HHAT: variants seen among roughly 807,000 people sequenced by gnomAD.
HHAT encodes protein-cysteine N-palmitoyltransferase HHAT.
In HHAT, 47 loss-of-function variants were observed where a neutral mutation model predicts 70.8. That is an observed-to-expected ratio of 0.66 (90% CI 0.53 to 0.85). HHAT has a LOEUF of 0.85. Ranked by LOEUF, HHAT falls within the 40% of genes least tolerant of loss-of-function variation. The pLI, the probability that HHAT is intolerant of heterozygous loss-of-function variation, is 0.00. For missense variants in HHAT, 609 were observed against 604.8 expected, an observed-to-expected ratio of 1.01 and a Z score of -0.07; for synonymous variants, 228 against 247.6, an observed-to-expected ratio of 0.92 and a Z score of 0.74.
At chr1:210,370,321 C>G (rs2089450338) in intron 3 of HHAT, among the ~76,000 whole-genome samples, 1 of 150,636 alleles carries the variant, frequency 6.6e-6, no homozygotes, top group Non-Finnish European at 1.5e-5. Context: ...ATTACAGGTG[C>G]CCATCACCAT....
At chr1:210,610,859 T>C (rs560203725) in intron 10 of HHAT, among the ~76,000 whole-genome samples, 101 of 152,208 alleles carry the variant, frequency 6.6e-4, no homozygotes, top group African/African-American at 2.3e-3. Flanking sequence ...CTCTATTCTG[T>C]TCTATCAGTC....
At chr1:210,327,507 T>C (rs1241053801), upstream of HHAT, among the ~76,000 whole-genome samples, 2 of 152,076 alleles carry the variant, frequency 1.3e-5, no homozygotes, top group African/African-American at 4.8e-5. Context: ...CACCTGAAAT[T>C]ATTTACTTAT....
At chr1:210,456,896 G>A (rs897306804) in intron 7 of HHAT, among the ~76,000 whole-genome samples, 1 of 152,122 alleles carries the variant, frequency 6.6e-6, no homozygotes, top group African/African-American at 2.4e-5. Context: ...TCCCCCACAC[G>A]CTGCTCTTCC....
At chr1:210,335,818 C>G (rs2085435842) in intron 1 of HHAT, among the ~76,000 whole-genome samples, 1 of 152,096 alleles carries the variant, frequency 6.6e-6, no homozygotes, top group Non-Finnish European at 1.5e-5. Context: ...AACAAAGCAC[C>G]TGGAAGAAAG....
At chr1:210,616,125 T>A (rs997517085) in intron 10 of HHAT, among the ~76,000 whole-genome samples, 4 of 152,234 alleles carry the variant, frequency 2.6e-5, no homozygotes, top group Non-Finnish European at 4.4e-5. Flanking sequence ...GAAATGTGTA[T>A]ACCTGTGGAA....
At chr1:210,618,475 C>T (rs1015143467) in intron 10 of HHAT, among the ~76,000 whole-genome samples, 3 of 152,140 alleles carry the variant, frequency 2.0e-5, no homozygotes, top group African/African-American at 7.2e-5. Flanking sequence ...TCAAACCCAC[C>T]CAGTTTCTGT....
intron 8 of HHAT, among the ~76,000 whole-genome samples, chr1:210,506,447 T>C (rs1310763774): frequency 6.6e-6 from 1 of 152,230 alleles, no homozygotes; most frequent in Non-Finnish European, 1.5e-5. Context: ...TATCAGTTGA[T>C]GTGCAGACAG....
At chr1:210,475,131 G>A (rs11804243) in intron 8 of HHAT, among the ~76,000 whole-genome samples, 2,065 of 152,128 alleles carry the variant, frequency 0.014, 54 homozygotes, top group African/African-American at 0.047. Flanking sequence ...AAAGTGTTGG[G>A]ATTACAGGTG....
intron 7 of HHAT, among the ~76,000 whole-genome samples, chr1:210,450,772 C>G (rs1479542624): frequency 6.6e-6 from 1 of 151,994 alleles, no homozygotes; most frequent in East Asian, 1.9e-4. Context: ...TTTGAGGGAG[C>G]TTTGATAACT....
intron 8 of HHAT, among the ~76,000 whole-genome samples, chr1:210,466,112 C>CGCAAGGAATT (rs1199217380): frequency 8.3e-6 from 1 of 119,968 alleles, no homozygotes; most frequent in African/African-American, 3.5e-5. Flanking sequence ...TGCAAGGAAT[C>CGCAAGGAATT]GCAAGGAATC....
intron 11 of HHAT, among the ~76,000 whole-genome samples, chr1:210,640,642 C>G (rs542995372): frequency 6.6e-6 from 1 of 151,976 alleles, no homozygotes; most frequent in African/African-American, 2.4e-5. Context: ...TCAAAACATG[C>G]GTGCGTGTAA....
At chr1:210,500,187 A>G (rs17260466) in intron 8 of HHAT, among the ~76,000 whole-genome samples, 17,345 of 152,262 alleles carry the variant, frequency 0.11, 1,286 homozygotes, top group South Asian at 0.19. Flanking sequence ...TGTGATGTCT[A>G]CTTTTCAAAC....
chr1:210,423,166 A>G (rs1202536657), intron 7 of HHAT, among the ~76,000 whole-genome samples: 1 of 152,146 alleles, frequency 6.6e-6, no homozygotes, highest in Non-Finnish European at 1.5e-5. Context: ...TAGCGGCTAT[A>G]CTAGTTTGCA....
In HHAT at chr1:210,387,514, A is replaced by C; in HGVS notation, c.206A>C (p.Gln69Pro). The part of the protein sequence containing the change: ...EWSFWMEWGK[Q>P]WLVWLLLGHM... The stretch of plus-strand genomic sequence containing the variant: ...AGCTTCTGGATGGAATGGGGGAAGC[A>C]GTGGCTGGTGTGGCTTCTCCTTGGC... The change falls in exon 4 of 12, where the codon CAG (glutamine) becomes CCG (proline). Residue 69 changes from glutamine to proline, a missense_variant. Physicochemically the swap from Gln to Pro is moderately conservative, Grantham distance 76. Coordinates refer to ENST00000261458, the MANE Select transcript of HHAT (RefSeq NM_018194.6). 6.2e-7 allele frequency: 1 copy of C among 1,614,150 alleles called. No individual in the cohort carries two copies. The highest frequency in any genetic ancestry group is 1.7e-5 in the Admixed American group (1 of 60,024).
chr1:210,643,045 A>AT (rs1252856144), intron 11 of HHAT, among the ~76,000 whole-genome samples: 1 of 151,882 alleles, frequency 6.6e-6, no homozygotes, highest in Non-Finnish European at 1.5e-5. Context: ...ATAAGGATCA[A>AT]TTTTTTTTGG....
chr1:210,390,658 C>G (rs1367380445), intron 4 of HHAT, among the ~76,000 whole-genome samples: 1 of 152,116 alleles, frequency 6.6e-6, no homozygotes, highest in African/African-American at 2.4e-5. Flanking sequence ...ACCCCCACAA[C>G]CTTTCCCTCC....
chr1:210,540,867 G>A (rs2095423515), intron 9 of HHAT, among the ~76,000 whole-genome samples: 1 of 151,828 alleles, frequency 6.6e-6, no homozygotes, highest in Non-Finnish European at 1.5e-5. Flanking sequence ...GAGACACAGT[G>A]TATCGCTCTG....
intron 7 of HHAT, among the ~76,000 whole-genome samples, chr1:210,433,346 C>T (rs575160736): frequency 6.6e-6 from 1 of 151,906 alleles, no homozygotes; most frequent in South Asian, 2.1e-4. Context: ...GTGTGAGCAG[C>T]CAGATATCCA....
At chr1:210,390,698 T>C (rs112439709) in intron 4 of HHAT, among the ~76,000 whole-genome samples, 5,992 of 152,296 alleles carry the variant, frequency 0.039, 406 homozygotes, top group African/African-American at 0.14. Context: ...TACATTCTTA[T>C]GCCTTTGCGT....
Sources: allele counts gnomAD v4.1 joint callset (sites outside exome capture counted in the v4.1 genomes callset), GRCh38; gene constraint gnomAD v4.1.1; transcripts MANE v1.5; gene names NCBI Gene and HGNC (gene_info 2026-07-23, HGNC 2026-07-21).